Variants in MBP observed in about 807,000 individuals in gnomAD.
MBP encodes the protein myelin basic protein, also known as Golli-MBP.
In MBP, 16 loss-of-function variants were observed where a neutral mutation model predicts 35.8. The observed-to-expected ratio is 0.45, with a 90% CI of 0.30 to 0.68. The LOEUF is 0.68. Among genes scored for constraint, MBP ranks in the 30% least tolerant of loss-of-function variants. The pLI, the probability that MBP is intolerant of heterozygous loss-of-function variation, is 0.08. For synonymous variants in MBP, 143 were observed against 159.6 expected (o/e 0.90, Z 0.78); for missense variants, 380 against 404.7 (o/e 0.94, Z 0.52).
At chr18:77,048,022 T>TA (rs1305429385) in intron 3 of MBP, among the ~76,000 whole-genome samples, 5 of 152,332 alleles carry the variant, frequency 3.3e-5, no homozygotes, top group African/African-American at 9.6e-5. Flanking sequence ...GCAATGCCAG[T>TA]AAAAAATAGG....
intron 3 of MBP, among the ~76,000 whole-genome samples, chr18:77,027,427 T>C (rs1204547797): frequency 2.6e-5 from 4 of 152,220 alleles, no homozygotes; most frequent in Admixed American, 6.5e-5. Flanking sequence ...CTGCAACGTC[T>C]AGCCCTGCTG....
intron 2 of MBP, among the ~76,000 whole-genome samples, chr18:77,086,353 G>C (rs564226667): frequency 6.6e-6 from 1 of 152,178 alleles, no homozygotes; most frequent in Non-Finnish European, 1.5e-5. Context: ...CAACCATCAC[G>C]ATCAATTAGG....
chr18:76,997,524 T>C (rs1233601612), intron 4 of MBP, among the ~76,000 whole-genome samples: 14 of 152,224 alleles, frequency 9.2e-5, no homozygotes, highest in Non-Finnish European at 1.8e-4. Flanking sequence ...TTTATATTGG[T>C]TGTTTCCGGA....
chr18:77,066,512 T>C (rs1190014047), intron 2 of MBP, 127 bp from the exon 3 acceptor site: 20 of 788,916 alleles, frequency 2.5e-5, no homozygotes, highest in Non-Finnish European at 3.2e-5. Flanking sequence ...GTTTTCAAGA[T>C]AGAATATAGA....
In MBP at chr18:76,985,599, A is replaced by C. The variant is rs976521723; in HGVS notation, c.751-705T>G. ...AGGCCGGGGCTGCTGAGCCGGACAGAGGGAGGAGGCAGGCCTGGCTGGCAC... is the reference window on the plus strand; with the variant it reads ...AGGCCGGGGCTGCTGAGCCGGACAGCGGGAGGAGGCAGGCCTGGCTGGCAC... On this transcript the variant is annotated intron_variant, in intron 7 of 8. Coordinates refer to ENST00000355994, the MANE Select transcript of MBP (RefSeq NM_001025101.2). 22 of 1,076,500 alleles carry C rather than the reference A, an allele frequency of 2.0e-5. No individual in the cohort carries two copies. The Middle Eastern group carries it at 2.3e-3, about 110-fold the overall frequency. The allele number at this position is 1,076,500 out of a possible 1,614,324, so 66.7% of individuals were successfully genotyped here. A position where few individuals can be genotyped will look rare whatever the true frequency, so the allele number is the denominator to read the frequency against.
intron 2 of MBP, among the ~76,000 whole-genome samples, chr18:77,081,943 C>T (rs1974957124): frequency 6.6e-6 from 1 of 151,766 alleles, no homozygotes; most frequent in African/African-American, 2.4e-5. Context: ...GCTCTGCCTC[C>T]CGGGTTCACG....
At chr18:77,090,833 C>G (rs1236675643) in intron 2 of MBP, among the ~76,000 whole-genome samples, 7 of 152,180 alleles carry the variant, frequency 4.6e-5, no homozygotes, top group African/African-American at 1.7e-4. Context: ...CGGGGAGTCT[C>G]AACCTAAATG....
intron 4 of MBP, chr18:77,005,148 A>G (rs1313732739): frequency 2.0e-5 from 3 of 152,378 alleles, no homozygotes; most frequent in Non-Finnish European, 4.4e-5. Flanking sequence ...TCAAAGAGGA[A>G]GAGCTTTGAC....
chr18:77,003,370 C>T (rs572038328), intron 4 of MBP: 3 of 152,318 alleles, frequency 2.0e-5, no homozygotes, highest in East Asian at 1.9e-4. Context: ...CTGTTCATTT[C>T]GACGGTTTCA....
chr18:76,987,062 G>C, intron 7 of MBP: 2 of 985,454 alleles, frequency 2.0e-6, no homozygotes, highest in African/African-American at 1.7e-5. Context: ...ACATTAGTAG[G>C]ACCCAAAAGG....
chr18:77,108,294 A>AT (rs1184346722), intron 1 of MBP: 3 of 152,202 alleles, frequency 2.0e-5, no homozygotes, highest in Non-Finnish European at 4.4e-5. Flanking sequence ...TTTTTATTTC[A>AT]TTTTTTGCAA....
At position 77,028,832 on chromosome 18, in the gene MBP, ACGC is replaced by A. The variant is rs1568301412; in HGVS notation, c.140-11567_140-11565del. On this transcript the variant is annotated intron_variant, in intron 3 of 8. Coordinates refer to ENST00000355994, the MANE Select transcript of MBP (RefSeq NM_001025101.2). ...TCTCAGACGGGGCGGCCGGGCAGAG[ACGC>A]TCCTCACTTCCCAGATGTGATGGCG... Among the ~76,000 whole-genome samples, 5 of 46,780 alleles carry A rather than the reference ACGC, an allele frequency of 1.1e-4. 1 individual carries two copies. The highest frequency in any genetic ancestry group is 2.6e-4 in the African/African-American group (5 of 19,292). 30.7% of individuals were successfully genotyped at this position (46,780 alleles called of 152,430 possible).
intron 2 of MBP, among the ~76,000 whole-genome samples, chr18:77,093,720 T>C (rs1181763061): frequency 6.6e-6 from 1 of 152,184 alleles, no homozygotes; most frequent in Admixed American, 6.5e-5. Context: ...CACTAAGAAA[T>C]TCTGCATGTC....
intron 2 of MBP, among the ~76,000 whole-genome samples, chr18:77,098,540 T>G (rs1469908707): frequency 6.6e-6 from 1 of 152,146 alleles, no homozygotes; most frequent in African/African-American, 2.4e-5. Context: ...TCACCTGCAT[T>G]TGGAAAGAGC....
intron 4 of MBP, among the ~76,000 whole-genome samples, chr18:76,993,326 G>T (rs1482228116): frequency 6.6e-6 from 1 of 152,112 alleles, no homozygotes; most frequent in Non-Finnish European, 1.5e-5. Flanking sequence ...GCCGAGGCGG[G>T]CAGATTGCCT....
intron 7 of MBP, chr18:76,986,040 G>T: frequency 1.0e-6 from 1 of 985,686 alleles, no homozygotes; most frequent in Non-Finnish European, 1.2e-6. Context: ...ACATGGGGAG[G>T]AAGGGAAGGA....
chr18:77,035,977 A>T (rs1972747772), intron 3 of MBP, among the ~76,000 whole-genome samples: 1 of 152,258 alleles, frequency 6.6e-6, no homozygotes, highest in African/African-American at 2.4e-5. Flanking sequence ...TCATAGAGTA[A>T]ATAGAACCGT....
chr18:77,127,631 G>A (rs1000408404), intron 1 of MBP: 3 of 152,188 alleles, frequency 2.0e-5, no homozygotes, highest in African/African-American at 7.2e-5. Context: ...AATAATCACC[G>A]AGTGGTAAGG....
At chr18:77,007,784 G>T (rs979590952) in intron 4 of MBP, among the ~76,000 whole-genome samples, 1 of 152,172 alleles carries the variant, frequency 6.6e-6, no homozygotes, top group South Asian at 2.1e-4. Flanking sequence ...CGTGTGTCCT[G>T]GAGTGTGAGC....
Sources: allele counts gnomAD v4.1 joint callset (sites outside exome capture counted in the v4.1 genomes callset), GRCh38; gene constraint gnomAD v4.1.1; transcripts MANE v1.5; gene names NCBI Gene and HGNC (gene_info 2026-07-23, HGNC 2026-07-21).